FHIT: variants seen among roughly 807,000 people sequenced by gnomAD.
FHIT encodes fragile histidine triad diadenosine triphosphatase.
FHIT carries 19 observed loss-of-function variants against 17.9 expected under a neutral mutation model. That is an observed-to-expected ratio of 1.06 (90% CI 0.74 to 1.56). FHIT has a LOEUF of 1.56. Among genes scored for constraint, FHIT ranks in the 40% most tolerant of loss-of-function variants. The pLI, the probability that FHIT is intolerant of heterozygous loss-of-function variation, is 0.00. For missense variants in FHIT, 248 were observed against 189.2 expected (o/e 1.31, Z -1.82); for synonymous variants, 81 against 69.7 (o/e 1.16, Z -0.81).
chr3:60,984,779 TG>T lies in FHIT; in HGVS notation c.-111+57267del, dbSNP rs763713402. On this transcript the variant is annotated intron_variant, in intron 3 of 9. Coordinates refer to ENST00000492590, the MANE Select transcript of FHIT (RefSeq NM_002012.4). ...AATAATAATAAAGGGTATAGTTTCA[TG>T]AAGGGGTGTGTGTGTGTGTGTGTGT... 1.1e-3 allele frequency among the ~76,000 whole-genome samples: 85 copies of T among 79,148 alleles called. 1 individual carries two copies. The highest frequency in any genetic ancestry group is 1.7e-3 in the Non-Finnish European group (70 of 42,252). The allele number at this position is 79,148 out of a possible 152,430, so 51.9% of individuals were successfully genotyped here.
At chr3:59,988,137 C>A (rs1017797758) in intron 7 of FHIT, among the ~76,000 whole-genome samples, 12 of 152,052 alleles carry the variant, frequency 7.9e-5, no homozygotes, top group Non-Finnish European at 1.3e-4. Flanking sequence ...CTGGAAGCAA[C>A]AGAGAATGAG....
intron 8 of FHIT, among the ~76,000 whole-genome samples, chr3:59,898,971 C>T (rs577426942): frequency 6.6e-6 from 1 of 152,218 alleles, no homozygotes; most frequent in African/African-American, 2.4e-5. Context: ...TAGTGAGATG[C>T]TAAGGGGCAA....
At chr3:60,331,406 T>C (rs1709971539) in intron 5 of FHIT, among the ~76,000 whole-genome samples, 2 of 152,186 alleles carry the variant, frequency 1.3e-5, no homozygotes, top group South Asian at 4.1e-4. Context: ...CCATCAGACC[T>C]TAGTCACCTT....
At chr3:60,902,733 C>G (rs1263308423) in intron 3 of FHIT, among the ~76,000 whole-genome samples, 1 of 152,170 alleles carries the variant, frequency 6.6e-6, no homozygotes, top group Admixed American at 6.6e-5. Flanking sequence ...AGATACCTTC[C>G]TAACCTAGTT....
chr3:60,755,118 T>A (rs2042546780), intron 4 of FHIT, among the ~76,000 whole-genome samples: 1 of 152,180 alleles, frequency 6.6e-6, no homozygotes. Flanking sequence ...ATCCTACCAA[T>A]ACCTCAAGGT....
chr3:60,018,699 C>T (rs1042983829), intron 5 of FHIT, among the ~76,000 whole-genome samples: 44 of 152,084 alleles, frequency 2.9e-4, no homozygotes, highest in African/African-American at 9.2e-4. Flanking sequence ...ATTGATCGGC[C>T]GGGCGCAGTG....
At chr3:60,828,739 A>G (rs1702211472) in intron 3 of FHIT, among the ~76,000 whole-genome samples, 1 of 152,118 alleles carries the variant, frequency 6.6e-6, no homozygotes, top group African/African-American at 2.4e-5. Context: ...TTAGCCAGGC[A>G]TGGTGGCGGG....
intron 5 of FHIT, among the ~76,000 whole-genome samples, chr3:60,309,563 T>C (rs115000110): frequency 1.3e-5 from 2 of 152,092 alleles, no homozygotes; most frequent in African/African-American, 4.8e-5. Context: ...TATTAAAGAT[T>C]TTCTGTGCAT....
At chr3:60,287,924 C>G (rs1225915790) in intron 5 of FHIT, among the ~76,000 whole-genome samples, 1 of 4,730 alleles carries the variant, frequency 2.1e-4, no homozygotes, top group African/African-American at 1.0e-3. Flanking sequence ...AAATTAACCC[C>G]TAAAATTCAG....
intron 7 of FHIT, among the ~76,000 whole-genome samples, chr3:59,998,775 A>T (rs212017): frequency 1.3e-3 from 194 of 152,076 alleles, no homozygotes; most frequent in African/African-American, 4.6e-3. Flanking sequence ...TTCCCTACAG[A>T]CTCTCAGAGA....
At chr3:60,731,499 C>T (rs1333748782) in intron 4 of FHIT, among the ~76,000 whole-genome samples, 3 of 152,202 alleles carry the variant, frequency 2.0e-5, no homozygotes, top group Non-Finnish European at 4.4e-5. Context: ...TGCCTCCCTT[C>T]TCCCCTGAGT....
At chr3:60,278,695 G>A (rs1010127584) in intron 5 of FHIT, among the ~76,000 whole-genome samples, 1 of 149,400 alleles carries the variant, frequency 6.7e-6, no homozygotes, top group Admixed American at 6.8e-5. Flanking sequence ...CCAGCTCTAA[G>A]CTAGATTAAC....
At chr3:59,752,041 T>C in intron 9 of FHIT, 180 bp downstream of exon 9, 1 of 496,614 alleles carries the variant, frequency 2.0e-6, no homozygotes, top group Non-Finnish European at 3.6e-6. Context: ...TGGAAGAGAC[T>C]GGGAGGCTGG....
chr3:60,419,994 C>T (rs1052415326), intron 5 of FHIT, among the ~76,000 whole-genome samples: 2 of 152,154 alleles, frequency 1.3e-5, no homozygotes, highest in African/African-American at 4.8e-5. Flanking sequence ...TATTCTACAT[C>T]CTTCTAGTCC....
intron 2 of FHIT, among the ~76,000 whole-genome samples, chr3:61,047,461 A>G (rs1283926931): frequency 6.6e-6 from 1 of 152,184 alleles, no homozygotes; most frequent in Non-Finnish European, 1.5e-5. Flanking sequence ...ACTACAAACC[A>G]CTGCTCAACG....
chr3:61,006,332 C>T (rs993230813), intron 3 of FHIT, among the ~76,000 whole-genome samples: 10 of 152,012 alleles, frequency 6.6e-5, no homozygotes, highest in African/African-American at 1.2e-4. Context: ...ATCATTTGAA[C>T]GCAGCTGAAC....
intron 5 of FHIT, among the ~76,000 whole-genome samples, chr3:60,424,862 C>A (rs1022917921): frequency 6.6e-6 from 1 of 152,096 alleles, no homozygotes; most frequent in East Asian, 1.9e-4. Flanking sequence ...ATCTGTAGTG[C>A]ATATAGATGA....
chr3:60,747,427 G>A (rs1003527361), intron 4 of FHIT, among the ~76,000 whole-genome samples: 2 of 152,128 alleles, frequency 1.3e-5, no homozygotes, highest in African/African-American at 4.8e-5. Context: ...ACGTTATCAT[G>A]TTTGTATCCC....
At chr3:61,023,363 A>G (rs1232571762) in intron 3 of FHIT, among the ~76,000 whole-genome samples, 1 of 152,224 alleles carries the variant, frequency 6.6e-6, no homozygotes, top group Admixed American at 6.5e-5. Context: ...AAAATGGAAA[A>G]GCATTCCATG....
Sources: allele counts gnomAD v4.1 joint callset (sites outside exome capture counted in the v4.1 genomes callset), GRCh38; gene constraint gnomAD v4.1.1; transcripts MANE v1.5; gene names NCBI Gene and HGNC (gene_info 2026-07-23, HGNC 2026-07-21).